WWOX: variants seen among roughly 807,000 people sequenced by gnomAD.
The protein encoded by WWOX is WW domain containing oxidoreductase, also known as WW domain-containing oxidoreductase.
A neutral mutation model predicts 46.2 loss-of-function variants in WWOX; 69 were observed. That is an observed-to-expected ratio of 1.49 (90% CI 1.23 to 1.82). The LOEUF (loss-of-function observed/expected upper bound fraction) is 1.82, where lower values mean the gene tolerates loss of function less well. WWOX is among the 40% of genes most tolerant of loss of function. The pLI is 0.00. For synonymous variants in WWOX, 359 were observed against 202.6 expected, an observed-to-expected ratio of 1.77 and a Z score of -6.56; for missense variants, 919 against 542.6, an observed-to-expected ratio of 1.69 and a Z score of -6.89.
intron 4 of WWOX, among the ~76,000 whole-genome samples, chr16:78,135,436 A>G (rs1407658077): frequency 6.6e-6 from 1 of 152,182 alleles, no homozygotes; most frequent in African/African-American, 2.4e-5. Flanking sequence ...ATTTTTAACT[A>G]TACAGTTGCT....
At chr16:78,583,950 G>T (rs1370288928) in intron 8 of WWOX, among the ~76,000 whole-genome samples, 1 of 152,208 alleles carries the variant, frequency 6.6e-6, no homozygotes, top group Non-Finnish European at 1.5e-5. Flanking sequence ...AAGGTCCCCA[G>T]CCTCCTTGCT....
chr16:78,366,817 G>A (rs2081545156), intron 5 of WWOX, among the ~76,000 whole-genome samples: 2 of 152,014 alleles, frequency 1.3e-5, no homozygotes, highest in African/African-American at 4.8e-5. Context: ...ATGAGCAGGT[G>A]GTTGGATTAG....
At chr16:78,686,882 A>G (rs567997154) in intron 8 of WWOX, among the ~76,000 whole-genome samples, 12 of 152,252 alleles carry the variant, frequency 7.9e-5, no homozygotes, top group African/African-American at 2.6e-4. Flanking sequence ...TTCAAAAGGC[A>G]TTTTTCTGTT....
chr16:79,100,054 C>T (rs1408289549), intron 8 of WWOX, among the ~76,000 whole-genome samples: 1 of 152,186 alleles, frequency 6.6e-6, no homozygotes, highest in African/African-American at 2.4e-5. Flanking sequence ...ATGATTGACT[C>T]CGTCACACTC....
intron 5 of WWOX, among the ~76,000 whole-genome samples, chr16:78,351,427 C>T (rs115949996): frequency 6.6e-6 from 1 of 152,158 alleles, no homozygotes; most frequent in African/African-American, 2.4e-5. Flanking sequence ...GGCCATGAAA[C>T]CTTGCCTGGC....
At chr16:79,005,507 C>G (rs1165998890) in intron 8 of WWOX, among the ~76,000 whole-genome samples, 1 of 152,164 alleles carries the variant, frequency 6.6e-6, no homozygotes, top group Non-Finnish European at 1.5e-5. Context: ...GCCATCCTCT[C>G]TCTGAAAACT....
chr16:78,778,613 A>T (rs2050248975), intron 8 of WWOX, among the ~76,000 whole-genome samples: 1 of 152,136 alleles, frequency 6.6e-6, no homozygotes, highest in Non-Finnish European at 1.5e-5. Context: ...TCTCAGAGTC[A>T]TTTTATCTTA....
At chr16:78,274,703 C>G (rs2079545383) in intron 5 of WWOX, among the ~76,000 whole-genome samples, 2 of 152,218 alleles carry the variant, frequency 1.3e-5, no homozygotes, top group Non-Finnish European at 2.9e-5. Context: ...CCTTCCTGGA[C>G]ATGTTCAATG....
At chr16:78,363,444 T>G (rs62035760) in intron 5 of WWOX, among the ~76,000 whole-genome samples, 1 of 40,164 alleles carries the variant, frequency 2.5e-5, no homozygotes, top group Admixed American at 1.3e-4. Flanking sequence ...CAGCTGATTA[T>G]TTAAAAAAAA....
intron 8 of WWOX, among the ~76,000 whole-genome samples, chr16:79,145,493 C>T (rs752880246): frequency 2.6e-5 from 4 of 152,160 alleles, no homozygotes; most frequent in Non-Finnish European, 5.9e-5. Context: ...TGAGCCACCG[C>T]ATCCAGCCCA....
intron 8 of WWOX, among the ~76,000 whole-genome samples, chr16:79,141,539 G>A (rs985046534): frequency 2.6e-5 from 4 of 152,326 alleles, no homozygotes; most frequent in South Asian, 4.1e-4. Context: ...CATTTTAATC[G>A]GAAGGAAGTT....
At chr16:78,347,561 C>A (rs1471559114) in intron 5 of WWOX, among the ~76,000 whole-genome samples, 3 of 119,614 alleles carry the variant, frequency 2.5e-5, no homozygotes, top group Admixed American at 8.2e-5. Flanking sequence ...ATCTTCCTGA[C>A]CTTCCCAGTC....
At chr16:79,145,804 A>C (rs981419462) in intron 8 of WWOX, among the ~76,000 whole-genome samples, 1 of 152,206 alleles carries the variant, frequency 6.6e-6, no homozygotes, top group Non-Finnish European at 1.5e-5. Context: ...ACTAGTTATA[A>C]TTTAAGATGG....
chr16:78,908,700 G>A (rs1015158299), intron 8 of WWOX, among the ~76,000 whole-genome samples: 7 of 152,190 alleles, frequency 4.6e-5, no homozygotes, highest in African/African-American at 1.7e-4. Flanking sequence ...GATTGGTCAG[G>A]TTTGAGATGG....
intron 5 of WWOX, among the ~76,000 whole-genome samples, chr16:78,335,283 A>T (rs529594496): frequency 6.6e-6 from 1 of 152,078 alleles, no homozygotes; most frequent in Non-Finnish European, 1.5e-5. Context: ...TGCTCTTCCC[A>T]CCACCTGCAA....
chr16:78,103,518 G>C (rs1195813407), intron 1 of WWOX, among the ~76,000 whole-genome samples: 1 of 152,098 alleles, frequency 6.6e-6, no homozygotes, highest in Non-Finnish European at 1.5e-5. Context: ...GGGTTGAAAG[G>C]CTGAAATTCT....
chr16:79,127,568 G>A (rs78550576), intron 8 of WWOX, among the ~76,000 whole-genome samples: 4,100 of 152,250 alleles, frequency 0.027, 178 homozygotes, highest in African/African-American at 0.09. Flanking sequence ...GTGCCGCAAC[G>A]TGTAACCTTG....
chr16:78,605,125 G>C (rs934111953), intron 8 of WWOX, among the ~76,000 whole-genome samples: 11 of 150,660 alleles, frequency 7.3e-5, no homozygotes, highest in Non-Finnish European at 1.5e-4. Flanking sequence ...GTGTTAGCCT[G>C]GCTAGCTTTT....
intron 8 of WWOX, among the ~76,000 whole-genome samples, chr16:78,730,110 G>T (rs1264079996): frequency 6.6e-6 from 1 of 152,044 alleles, no homozygotes; most frequent in African/African-American, 2.4e-5. Context: ...TGCTATAAAC[G>T]CTTAAGGATT....
Sources: gnomAD v4.1 joint callset for allele counts (sites outside exome capture counted in the v4.1 genomes callset) on GRCh38, gnomAD v4.1.1 for gene constraint, MANE v1.5 for transcripts, NCBI Gene and HGNC (gene_info 2026-07-23, HGNC 2026-07-21) for gene names.